The following DNAH5 variants were observed in gnomAD, a reference collection of about 807,000 sequenced individuals.
DNAH5 encodes axonemal beta dynein heavy chain 5.
DNAH5 carries 372 observed loss-of-function variants against 518.2 expected under a neutral mutation model. The observed-to-expected ratio is 0.72, with a 90% CI of 0.66 to 0.78. The LOEUF (loss-of-function observed/expected upper bound fraction) is 0.78. Among genes scored for constraint, DNAH5 ranks in the 30% least tolerant of loss-of-function variants. DNAH5 has a pLI of 0.00. For missense variants in DNAH5, 5,523 were observed against 5,687.0 expected (o/e 0.97, Z 0.93); for synonymous variants, 2,039 against 2,025.9 (o/e 1.01, Z -0.17).
chr5:13,906,188 C>T (rs1370848161), intron 12 of DNAH5, among the ~76,000 whole-genome samples: 1 of 152,144 alleles, frequency 6.6e-6, no homozygotes, highest in Non-Finnish European at 1.5e-5. Context: ...GATGCATATC[C>T]TTGTATCTTT....
At chr5:13,850,836 A>G (rs758823050) in intron 30 of DNAH5, 21 bp from the exon 31 acceptor site, 110 of 1,613,262 alleles carry the variant, frequency 6.8e-5, no homozygotes, top group Non-Finnish European at 8.6e-5. Context: ...AAGGTAACAA[A>G]GCACACTTAG....
chr5:13,721,147 T>A lies in DNAH5; in HGVS notation c.12132A>T (p.Pro4044=). ...KTWEESDPRT[P]LICLLSMGSD... The stretch of plus-strand genomic sequence containing the variant: ...AGCCCATAGACAGGAGACAGATGAG[T>A]GGCGTCCGTGGATCAGATTCCTCCC... Residue 4044 remains proline (P), a synonymous_variant, in exon 71 of 79, where the codon CCA becomes CCT. Coordinates refer to ENST00000265104, the MANE Select transcript of DNAH5 (RefSeq NM_001369.3). The A allele has an allele frequency of 6.2e-7, 1 of 1,614,094 alleles. No individual in the cohort carries two copies. The highest frequency in any genetic ancestry group is 8.5e-7 in the Non-Finnish European group (1 of 1,179,996).
intron 22 of DNAH5, 101 bp downstream of exon 22, chr5:13,876,583 G>A: frequency 2.1e-6 from 3 of 1,405,864 alleles, no homozygotes; most frequent in Middle Eastern, 1.8e-4. Flanking sequence ...AGCACAGTGT[G>A]TGAGACCCAG....
intron 19 of DNAH5, among the ~76,000 whole-genome samples, chr5:13,884,426 C>T (rs1772093567): frequency 6.6e-6 from 1 of 152,134 alleles, no homozygotes; most frequent in Non-Finnish European, 1.5e-5. Context: ...ATTTAACCTC[C>T]CTGTGCTGTG....
intron 31 of DNAH5, among the ~76,000 whole-genome samples, chr5:13,848,249 A>G (rs1353050605): frequency 6.6e-6 from 1 of 152,236 alleles, no homozygotes; most frequent in Non-Finnish European, 1.5e-5. Context: ...TAGAAGAATT[A>G]CTTGCAAATG....
At chr5:13,766,680 C>A (rs1198903570) in intron 58 of DNAH5, among the ~76,000 whole-genome samples, 2 of 152,204 alleles carry the variant, frequency 1.3e-5, no homozygotes, top group African/African-American at 2.4e-5. Flanking sequence ...GGTTTCTTAG[C>A]TAGGAACTGA....
chr5:13,789,513 A>C, intron 50 of DNAH5, among the ~76,000 whole-genome samples: 1 of 152,214 alleles, frequency 6.6e-6, no homozygotes, highest in East Asian at 1.9e-4. Flanking sequence ...ATGTATGTGT[A>C]AGCTTATTAT....
chr5:13,728,221 T>C (rs1372099176), intron 69 of DNAH5, among the ~76,000 whole-genome samples: 1 of 152,042 alleles, frequency 6.6e-6, no homozygotes, highest in Non-Finnish European at 1.5e-5. Context: ...TGGGAAAGAG[T>C]AAAAGGACAT....
chr5:13,886,363 C>T (rs1001126793), intron 17 of DNAH5, among the ~76,000 whole-genome samples: 6 of 151,750 alleles, frequency 4.0e-5, no homozygotes, highest in African/African-American at 1.5e-4. Flanking sequence ...ATTACAGGCA[C>T]TTCTCCACCA....
chr5:13,716,533 T>C lies in DNAH5; in HGVS notation c.12863A>G (p.Asn4288Ser), dbSNP rs766746799. The change falls in exon 74 of 79, where the codon AAT becomes AGT. Residue 4288 changes from asparagine to serine, a missense_variant. Physicochemically the swap from Asn to Ser is conservative, Grantham distance 46. Transcript: ENST00000265104. ...ATCCACTGTGCTGCATTTTGGAATA[T>C]TGTATCCTTGGTAAAAACTGAAATC... Reference protein sequence around the residue: ...GPDFSFYQGYNIPKCSTVDNY... With the variant: ...GPDFSFYQGYSIPKCSTVDNY... 14 of 1,613,970 alleles carry C rather than the reference T, an allele frequency of 8.7e-6. No individual in the cohort carries two copies. Among genetic ancestry groups the C allele is most frequent in the Non-Finnish European group, 1.2e-5 (14 of 1,179,884 alleles).
chr5:13,810,098 GC>G lies in DNAH5; in HGVS notation c.7569del (p.Asp2526ThrfsTer45). ...TGTLELPPPA[G>X]PGDTAFDYYV... ...TAGTAGTCGAAGGCGGTGTCCCCGG[GC>G]CCCGCTGGCGGCGGCAGCTCCAGCG... is the stretch of plus-strand genomic sequence containing the variant. On this transcript the variant is annotated frameshift_variant, in exon 45 of 79. Coordinates refer to ENST00000265104, the MANE Select transcript of DNAH5 (RefSeq NM_001369.3). LOFTEE classifies it high-confidence loss of function. 1.3e-6 allele frequency: 2 copies of G among 1,552,274 alleles called. No individual in the cohort carries two copies. Among genetic ancestry groups the G allele is most frequent in the Non-Finnish European group, 1.7e-6 (2 of 1,148,282 alleles).
At position 13,737,388 on chromosome 5, in the gene DNAH5, C is replaced by G. The variant is rs1002731861; in HGVS notation, c.11319G>C (p.Gly3773=). Residue 3773 remains glycine, a synonymous_variant, in exon 66 of 79, where the codon GGG becomes GGC. Coordinates refer to ENST00000265104, the MANE Select transcript of DNAH5 (RefSeq NM_001369.3). ...TGAGACTTTCATCTTCTACCAGGGACCCCTGGGTACTTGTCAGGCGGTAAA... is the reference window on the plus strand; with the variant it reads ...TGAGACTTTCATCTTCTACCAGGGAGCCCTGGGTACTTGTCAGGCGGTAAA... ...NLLYRLTSTQ[G]SLVEDESLIV... 6.2e-7 allele frequency: 1 copy of G among 1,614,168 alleles called. No individual in the cohort carries two copies. The highest frequency in any genetic ancestry group is 8.5e-7 in the Non-Finnish European group (1 of 1,180,012).
At chr5:13,784,866 C>T (rs1755734017) in intron 52 of DNAH5, among the ~76,000 whole-genome samples, 1 of 152,058 alleles carries the variant, frequency 6.6e-6, no homozygotes, top group African/African-American at 2.4e-5. Flanking sequence ...ATTCTACTTC[C>T]AACCTTTGAG....
At chr5:13,810,772 AC>A (rs375843801) in intron 44 of DNAH5, among the ~76,000 whole-genome samples, 1,637 of 151,494 alleles carry the variant, frequency 0.011, 51 homozygotes, top group African/African-American at 0.038. Context: ...AAACAAACAA[AC>A]AAAAAAACAG....
At position 13,717,213 on chromosome 5, in the gene DNAH5, C is replaced by G. The variant is rs555395280; in HGVS notation, c.12705+102G>C. The G allele has an allele frequency of 4.5e-6, 5 of 1,119,050 alleles. No homozygotes were observed. In the East Asian group the frequency reaches 1.0e-4, roughly 23 times the overall value. 69.3% of individuals were successfully genotyped at this position (1,119,050 alleles called of 1,614,324 possible). ...CTTAAAGATGACTTTGCAAGCACAG[C>G]AAATTCTCTTATATAATTTACGCCA... On this transcript the variant is annotated intron_variant, in intron 73 of 78. Coordinates refer to ENST00000265104, the MANE Select transcript of DNAH5 (RefSeq NM_001369.3).
chr5:13,954,920 G>A (rs958026797), intron 1 of DNAH5, among the ~76,000 whole-genome samples: 7 of 152,078 alleles, frequency 4.6e-5, no homozygotes, highest in African/African-American at 1.2e-4. Flanking sequence ...GTTCTCACAC[G>A]TTCACTCTCA....
intron 31 of DNAH5, 82 bp downstream of exon 31, chr5:13,850,570 A>G: frequency 7.9e-7 from 1 of 1,268,698 alleles, no homozygotes; most frequent in Non-Finnish European, 1.1e-6. Flanking sequence ...AAAAGAAAAC[A>G]AATTTGGCTA....
chr5:13,945,764 C>T (rs1031368809), upstream of DNAH5, among the ~76,000 whole-genome samples: 2 of 152,116 alleles, frequency 1.3e-5, no homozygotes, highest in Non-Finnish European at 2.9e-5. Flanking sequence ...TGTCACAACA[C>T]GCGGCTAATT....
chr5:13,778,496 A>AGGGAGGG (rs1561233431), intron 53 of DNAH5, among the ~76,000 whole-genome samples: 31,139 of 84,528 alleles, frequency 0.37, 6,008 homozygotes, highest in Non-Finnish European at 0.42. Context: ...GGAAGGAAGG[A>AGGGAGGG]AGGGAGGGAG....
Sources: allele counts gnomAD v4.1 joint callset (sites outside exome capture counted in the v4.1 genomes callset), GRCh38; gene constraint gnomAD v4.1.1; transcripts MANE v1.5; gene names NCBI Gene and HGNC (gene_info 2026-07-23, HGNC 2026-07-21).